SLC25A26: variants seen among roughly 807,000 people sequenced by gnomAD.
The protein encoded by SLC25A26 is mitochondrial S-adenosylmethionine carrier protein.
A neutral mutation model predicts 37.8 loss-of-function variants in SLC25A26; 36 were observed. The observed-to-expected ratio is 0.95, with a 90% CI of 0.73 to 1.26. SLC25A26 has a LOEUF of 1.26. Ranked by LOEUF, SLC25A26 falls within the 50% of genes most tolerant of loss-of-function variation. SLC25A26 has a pLI of 0.00. For synonymous variants in SLC25A26, 129 were observed against 122.5 expected (o/e 1.05, Z -0.35); for missense variants, 390 against 331.1 (o/e 1.18, Z -1.38).
At chr3:66,276,932 T>C (rs565656813) in intron 5 of SLC25A26, among the ~76,000 whole-genome samples, 1 of 148,464 alleles carries the variant, frequency 6.7e-6, no homozygotes, top group Non-Finnish European at 1.5e-5. Flanking sequence ...AGCATGAACT[T>C]GGAAGCTGCT....
At chr3:66,373,081 A>T (rs1458944900) in intron 9 of SLC25A26, among the ~76,000 whole-genome samples, 1 of 152,176 alleles carries the variant, frequency 6.6e-6, no homozygotes, top group Admixed American at 6.5e-5. Flanking sequence ...GTGTTCATTC[A>T]GCCCCGTAGC....
intron 5 of SLC25A26, among the ~76,000 whole-genome samples, chr3:66,289,516 G>C (rs1223597602): frequency 3.3e-5 from 5 of 152,086 alleles, no homozygotes; most frequent in Non-Finnish European, 5.9e-5. Context: ...GTAAAGAAGG[G>C]GTCCATTTTG....
chr3:66,340,027 A>G (rs1376777253), intron 5 of SLC25A26, among the ~76,000 whole-genome samples: 6 of 150,250 alleles, frequency 4.0e-5, no homozygotes, highest in Admixed American at 2.0e-4. Context: ...TTTAATTTTT[A>G]TATAGGGTTA....
At chr3:66,273,043 G>A (rs538181140) in intron 5 of SLC25A26, among the ~76,000 whole-genome samples, 2 of 152,254 alleles carry the variant, frequency 1.3e-5, no homozygotes, top group South Asian at 4.1e-4. Flanking sequence ...TGCATCTGTT[G>A]AGATAACCAT....
intron 1 of SLC25A26, among the ~76,000 whole-genome samples, chr3:66,181,775 C>T (rs1210602313): frequency 2.3e-5 from 3 of 130,166 alleles, no homozygotes; most frequent in East Asian, 2.1e-4. Flanking sequence ...ATCCCCTCCC[C>T]TTGTCTTTTT....
At chr3:66,148,727 C>T (rs995551047) in intron 1 of SLC25A26, among the ~76,000 whole-genome samples, 9 of 152,274 alleles carry the variant, frequency 5.9e-5, no homozygotes, top group Middle Eastern at 3.4e-3. Context: ...CTTCCTGGTT[C>T]TTTATAGAAT....
intron 5 of SLC25A26, among the ~76,000 whole-genome samples, chr3:66,314,763 T>C (rs1429712427): frequency 6.7e-6 from 1 of 150,252 alleles, no homozygotes; most frequent in Non-Finnish European, 1.5e-5. Flanking sequence ...TTTTTTTTGT[T>C]TTTTTTTTTA....
intron 1 of SLC25A26, among the ~76,000 whole-genome samples, chr3:66,153,534 G>C (rs1335559262): frequency 6.6e-6 from 1 of 152,232 alleles, no homozygotes; most frequent in East Asian, 1.9e-4. Context: ...AGTCGCTGCT[G>C]ATGCAGGTGG....
chr3:66,266,161 A>G (rs992097442), intron 5 of SLC25A26, among the ~76,000 whole-genome samples: 2 of 111,744 alleles, frequency 1.8e-5, no homozygotes, highest in East Asian at 2.1e-4. Flanking sequence ...TGCATTATGC[A>G]TATTTATTCA....
chr3:66,235,718 G>A (rs2072246245), intron 1 of SLC25A26, among the ~76,000 whole-genome samples: 2 of 152,098 alleles, frequency 1.3e-5, no homozygotes, highest in Non-Finnish European at 2.9e-5. Context: ...ACAGAATAGT[G>A]CATATTGTAC....
intron 5 of SLC25A26, among the ~76,000 whole-genome samples, chr3:66,315,097 T>G (rs1303618437): frequency 4.1e-4 from 50 of 122,256 alleles, no homozygotes; most frequent in African/African-American, 1.5e-3. Flanking sequence ...TTTTTTTTTT[T>G]GAAGGGTTTT....
intron 1 of SLC25A26, among the ~76,000 whole-genome samples, chr3:66,200,752 T>C (rs1403716578): frequency 6.6e-6 from 1 of 152,238 alleles, no homozygotes; most frequent in Non-Finnish European, 1.5e-5. Context: ...CACAGAGTTA[T>C]GTATCTTATA....
At chr3:66,151,656 C>T (rs28707575) in intron 1 of SLC25A26, among the ~76,000 whole-genome samples, 55,071 of 151,970 alleles carry the variant, frequency 0.36, 10,108 homozygotes, top group African/African-American at 0.41. Flanking sequence ...ACTTACACAT[C>T]ATCCTCTCCT....
At chr3:66,291,040 T>TGGGA (rs2074688061) in intron 5 of SLC25A26, among the ~76,000 whole-genome samples, 1 of 152,214 alleles carries the variant, frequency 6.6e-6, no homozygotes, top group East Asian at 1.9e-4. Flanking sequence ...GGTTTAGTCT[T>TGGGA]GGGAGGGTGT....
Position 66,359,896 on chromosome 3 carries a change from T to C in SLC25A26, c.499-2964T>C, listed in dbSNP as rs528663851. Among the ~76,000 whole-genome samples the C allele has an allele frequency of 8.5e-5, 13 of 152,318 alleles. No individual in the cohort carries two copies. In the South Asian group the frequency reaches 1.7e-3, roughly 19 times the overall value. On this transcript the variant is annotated intron_variant, in intron 6 of 9. Coordinates refer to ENST00000354883, the MANE Select transcript of SLC25A26 (RefSeq NM_001379210.1). ...AGCTTATCTGCTTTCACAAGTAAGGTGATAAATACCTATTTGATAGCTGCA... is the reference window on the plus strand; with the variant it reads ...AGCTTATCTGCTTTCACAAGTAAGGCGATAAATACCTATTTGATAGCTGCA...
intron 5 of SLC25A26, among the ~76,000 whole-genome samples, chr3:66,274,766 G>T (rs900248396): frequency 6.6e-6 from 1 of 152,110 alleles, no homozygotes; most frequent in Admixed American, 6.6e-5. Flanking sequence ...TGCTGGAGAG[G>T]ATGTGGAGAA....
In SLC25A26 at chr3:66,324,926, A is replaced by G. The variant is rs942145006; in HGVS notation, c.454-21438A>G. ...TTATAGCGACAAAAGACAGAGTAGC[A>G]AGAGAAAAAATAGATTTGATGGTGT... On this transcript the variant is annotated intron_variant, in intron 5 of 9. Transcript: ENST00000354883. 2.0e-5 allele frequency among the ~76,000 whole-genome samples: 3 copies of G among 152,266 alleles called. No homozygotes were observed. The South Asian group carries it at 6.2e-4, about 32-fold the overall frequency.
rs377132387 is a variant in SLC25A26 at position 66,290,588 on chromosome 3, A to T, written c.453+27209A>T. ...TTGAGATAATCATGTGGTTTTTGTC[A>T]TGGTTCTGTTTATGTAATGGATTAC... is the stretch of plus-strand genomic sequence containing the variant. On this transcript the variant is annotated intron_variant, in intron 5 of 9. Transcript: ENST00000354883. 2.6e-5 allele frequency among the ~76,000 whole-genome samples: 4 copies of T among 152,168 alleles called. No homozygotes were observed. In the East Asian group the frequency reaches 5.8e-4, roughly 22 times the overall value.
At chr3:66,184,499 ATCAAATGATTCTACT>A (rs2106769332) in intron 1 of SLC25A26, among the ~76,000 whole-genome samples, 1 of 70,042 alleles carries the variant, frequency 1.4e-5, no homozygotes, top group African/African-American at 6.7e-5. Flanking sequence ...CACAGTGACC[ATCAAATGATTCTACT>A]TCACCACTAC....
Sources: allele counts gnomAD v4.1 joint callset (sites outside exome capture counted in the v4.1 genomes callset), GRCh38; gene constraint gnomAD v4.1.1; transcripts MANE v1.5; gene names NCBI Gene and HGNC (gene_info 2026-07-23, HGNC 2026-07-21).